ZNF425: variants seen among roughly 807,000 people sequenced by gnomAD.
The protein encoded by ZNF425 is zinc finger protein 425.
Under a neutral mutation model 17.0 loss-of-function variants are expected in ZNF425, and 21 were observed. The ratio of observed to expected loss-of-function variants is 1.23; its 90% CI spans 0.88 to 1.78. ZNF425 has a LOEUF of 1.78. ZNF425 is among the 40% of genes most tolerant of loss of function. The probability of loss-of-function intolerance (pLI) is 0.00; values close to 1 mark genes in which losing one functional copy is unlikely to be tolerated. For missense variants in ZNF425, 868 were observed against 967.3 expected, an observed-to-expected ratio of 0.90 and a Z score of 1.36; for synonymous variants, 433 against 384.1, an observed-to-expected ratio of 1.13 and a Z score of -1.49.
intron 3 of ZNF425, among the ~76,000 whole-genome samples, chr7:149,109,786 TG>T (rs1315682093): frequency 6.6e-6 from 1 of 152,192 alleles, no homozygotes; most frequent in Admixed American, 6.5e-5. Flanking sequence ...CTCCTGTGAC[TG>T]TGGGAGGCAC....
At chr7:149,118,384 T>G in intron 1 of ZNF425, 36 bp from the exon 2 acceptor site, 1 of 1,609,956 alleles carries the variant, frequency 6.2e-7, no homozygotes, top group Non-Finnish European at 8.5e-7. Context: ...ACATTTTTAC[T>G]TTACGGCTAC....
At chr7:149,105,611 C>G in intron 3 of ZNF425, 45 bp from the exon 4 acceptor site, 1 of 1,383,908 alleles carries the variant, frequency 7.2e-7, no homozygotes, top group Non-Finnish European at 9.4e-7. Context: ...TATGTCTACC[C>G]TATAAATGGG....
chr7:149,114,931 C>CTTTTTTTTTTTTTTTTTTTT (rs35954198), intron 2 of ZNF425, among the ~76,000 whole-genome samples: 1 of 101,024 alleles, frequency 9.9e-6, no homozygotes, highest in Non-Finnish European at 2.0e-5. Flanking sequence ...TCTTTCTTTT[C>CTTTTTTTTTTTTTTTTTTTT]TTTTTTTTTT....
intron 3 of ZNF425, among the ~76,000 whole-genome samples, chr7:149,111,282 C>G (rs951546412): frequency 6.6e-6 from 1 of 150,936 alleles, no homozygotes; most frequent in African/African-American, 2.4e-5. Context: ...AACACTGTCT[C>G]TACTAAAAAT....
chr7:149,110,369 C>T (rs1826154643), intron 3 of ZNF425, among the ~76,000 whole-genome samples: 1 of 151,366 alleles, frequency 6.6e-6, no homozygotes, highest in African/African-American at 2.4e-5. Flanking sequence ...AGTTCGAGAC[C>T]AGCCTGGCCA....
Position 149,102,910 on chromosome 7 carries a change from T to C in ZNF425, c.*702A>G, listed in dbSNP as rs1826001988. 6.6e-6 allele frequency: 1 copy of C among 152,200 alleles called. No homozygotes were observed. Among genetic ancestry groups the C allele is most frequent in the Admixed American group, 6.6e-5 (1 of 15,260 alleles). 9.4% of individuals were successfully genotyped at this position (152,200 alleles called of 1,614,324 possible). A position where few individuals can be genotyped will look rare whatever the true frequency, so the allele number is the denominator to read the frequency against. On this transcript the variant is annotated 3_prime_UTR_variant, in exon 4 of 4. Coordinates refer to ENST00000378061, the MANE Select transcript of ZNF425 (RefSeq NM_001001661.3). ...TATGAGAGAAAACTGAAGACTTTAA[T>C]ACAGATTTAAGTAAAATGGCCTGGT...
chr7:149,124,316 C>T (rs527349165), intron 1 of ZNF425, among the ~76,000 whole-genome samples: 3 of 149,798 alleles, frequency 2.0e-5, no homozygotes, highest in South Asian at 4.2e-4. Context: ...CCACCACGCC[C>T]GGCTAATTTT....
intron 2 of ZNF425, among the ~76,000 whole-genome samples, chr7:149,113,675 C>T (rs1356247584): frequency 6.6e-6 from 1 of 151,596 alleles, no homozygotes; most frequent in African/African-American, 2.4e-5. Context: ...CCTCAGCCTC[C>T]CGAGTAGCTG....
intron 3 of ZNF425, among the ~76,000 whole-genome samples, chr7:149,107,288 C>CA (rs1351254961): frequency 6.6e-6 from 1 of 151,208 alleles, no homozygotes; most frequent in African/African-American, 2.4e-5. Flanking sequence ...TTTCCTTTTC[C>CA]AAAAAACTCT....
At chr7:149,119,910 G>A (rs778834539) in intron 1 of ZNF425, among the ~76,000 whole-genome samples, 1 of 152,126 alleles carries the variant, frequency 6.6e-6, no homozygotes, top group African/African-American at 2.4e-5. Context: ...AGATGTGCAC[G>A]GGGTATATGT....
At chr7:149,110,450 C>A (rs1826156006) in intron 3 of ZNF425, among the ~76,000 whole-genome samples, 1 of 151,338 alleles carries the variant, frequency 6.6e-6, no homozygotes, top group Admixed American at 6.6e-5. Flanking sequence ...CCTGTAATCC[C>A]AGCTACTCAG....
intron 2 of ZNF425, among the ~76,000 whole-genome samples, chr7:149,115,341 C>CATAATGG (rs1826247511): frequency 6.6e-6 from 1 of 151,830 alleles, no homozygotes; most frequent in African/African-American, 2.4e-5. Context: ...GTAATGCAGT[C>CATAATGG]TAGTGGCATA....
intron 1 of ZNF425, chr7:149,125,806 C>G (rs977609736): frequency 1.1e-5 from 4 of 375,214 alleles, no homozygotes; most frequent in Admixed American, 8.7e-5. Context: ...TGGGCCGGTT[C>G]CCCCTCCCTG....
At chr7:149,116,762 A>G (rs1169649479) in intron 2 of ZNF425, among the ~76,000 whole-genome samples, 1 of 152,118 alleles carries the variant, frequency 6.6e-6, no homozygotes, top group African/African-American at 2.4e-5. Flanking sequence ...CCACAGGCTC[A>G]GTGTAGGTCT....
intron 3 of ZNF425, among the ~76,000 whole-genome samples, chr7:149,107,584 G>A (rs567891267): frequency 7.2e-5 from 11 of 151,880 alleles, no homozygotes; most frequent in South Asian, 4.1e-4. Context: ...TGATCTGCCC[G>A]CCTTGGCTTC....
chr7:149,103,493 C>T lies in ZNF425; in HGVS notation c.*119G>A, dbSNP rs538131015. On this transcript the variant is annotated 3_prime_UTR_variant, in exon 4 of 4. Transcript: ENST00000378061. ...TGGGCCTCCCAAAGTAATGGGATTA[C>T]AGGCGGGAGCCACTGTGCCCGATCT... The T allele has an allele frequency of 2.4e-4, 319 of 1,309,756 alleles. No individual in the cohort carries two copies. The highest frequency in any genetic ancestry group is 3.0e-4 in the East Asian group (12 of 40,050). 81.1% of individuals were successfully genotyped at this position (1,309,756 alleles called of 1,614,324 possible). A position where few individuals can be genotyped will look rare whatever the true frequency, so the allele number is the denominator to read the frequency against.
intron 3 of ZNF425, among the ~76,000 whole-genome samples, chr7:149,109,879 C>CTT (rs59024495): frequency 0.014 from 1,899 of 140,662 alleles, 43 homozygotes; most frequent in African/African-American, 0.046. Flanking sequence ...TTTTCTTTTT[C>CTT]TTTTTTTTTT....
chr7:149,116,090 C>T (rs984794181), intron 2 of ZNF425, among the ~76,000 whole-genome samples: 10 of 152,214 alleles, frequency 6.6e-5, no homozygotes, highest in African/African-American at 2.2e-4. Flanking sequence ...CCTGCTGGCT[C>T]CTGGGCCTCG....
At chr7:149,124,450 C>T (rs1229373835) in intron 1 of ZNF425, among the ~76,000 whole-genome samples, 1 of 152,174 alleles carries the variant, frequency 6.6e-6, no homozygotes, top group East Asian at 1.9e-4. Context: ...CCACCACGTC[C>T]GGATGGCCTT....
Sources: allele counts gnomAD v4.1 joint callset (sites outside exome capture counted in the v4.1 genomes callset), GRCh38; gene constraint gnomAD v4.1.1; transcripts MANE v1.5; gene names NCBI Gene and HGNC (gene_info 2026-07-23, HGNC 2026-07-21).